Variants in DNAH9 observed in about 807,000 individuals in gnomAD.
The protein encoded by DNAH9 is dynein axonemal heavy chain 9, also known as DNAH9 variant protein.
A neutral mutation model predicts 471.6 loss-of-function variants in DNAH9; 345 were observed. That is an observed-to-expected ratio of 0.73 (90% confidence interval 0.67 to 0.80). The LOEUF (loss-of-function observed/expected upper bound fraction) is 0.80, where lower values mean the gene tolerates loss of function less well. DNAH9 is among the 30% of genes least tolerant of loss of function. The pLI is 0.00. For missense variants in DNAH9, 5,407 were observed against 5,609.2 expected (o/e 0.96, Z 1.15); for synonymous variants, 2,093 against 2,123.6 (o/e 0.99, Z 0.40).
chr17:11,917,592 A>G (rs1973998947), intron 61 of DNAH9, among the ~76,000 whole-genome samples: 2 of 152,130 alleles, frequency 1.3e-5, no homozygotes, highest in Non-Finnish European at 2.9e-5. Context: ...TAAAGGAGCC[A>G]CACTTCCTTA....
At chr17:11,687,587 G>A (rs574689572) in intron 19 of DNAH9, among the ~76,000 whole-genome samples, 1 of 152,110 alleles carries the variant, frequency 6.6e-6, no homozygotes, top group African/African-American at 2.4e-5. Flanking sequence ...TTGATGGGAG[G>A]AAACGGCCGA....
rs74461558 is a variant in DNAH9 at position 11,759,346 on chromosome 17, A to G, written c.6995+1654A>G. The stretch of plus-strand genomic sequence containing the variant: ...ATATTTCCATATATACCTACTGTTT[A>G]GCTCCCACTTATAAGTGAGAACATG... On this transcript the variant is annotated intron_variant, in intron 35 of 68. Coordinates refer to ENST00000262442, the MANE Select transcript of DNAH9 (RefSeq NM_001372.4). Among the ~76,000 whole-genome samples the G allele has an allele frequency of 1.1e-3, 173 of 151,974 alleles. 4 individuals carry two copies. In the East Asian group the frequency reaches 0.033, roughly 29 times the overall value.
In DNAH9 at chr17:11,821,953, T is replaced by C; in HGVS notation, c.8741T>C (p.Val2914Ala). The change falls in exon 46 of 69, where the codon GTT becomes GCT. Residue 2914 changes from valine to alanine, a missense_variant. Val to Ala is a moderately conservative substitution (Grantham distance 64). This residue lies in a region of DNAH9 where 4,636 missense variants were observed against 4,900.3 expected (regional missense o/e 0.95). Transcript: ENST00000262442. ...CCAGATCTCTACTCTGATGATGAAG[T>C]TGAAAACATCATAAGCAATGTGAGG... ...EIPDLYSDDE[V>A]ENIISNVRNE... 6.2e-7 allele frequency: 1 copy of C among 1,614,038 alleles called. No individual in the cohort carries two copies. Among genetic ancestry groups the C allele is most frequent in the Non-Finnish European group, 8.5e-7 (1 of 1,179,986 alleles).
chr17:11,661,864 T>C (rs974005697), intron 14 of DNAH9, among the ~76,000 whole-genome samples: 3 of 152,134 alleles, frequency 2.0e-5, no homozygotes, highest in African/African-American at 7.2e-5. Flanking sequence ...AGAAAAAATA[T>C]TTACAGTGTT....
At chr17:11,898,943 T>C (rs1973309106) in intron 59 of DNAH9, among the ~76,000 whole-genome samples, 1 of 152,252 alleles carries the variant, frequency 6.6e-6, no homozygotes, top group Admixed American at 6.5e-5. Context: ...TAAGCTCATC[T>C]GGCTGTTCAA....
intron 14 of DNAH9, among the ~76,000 whole-genome samples, chr17:11,654,174 T>A (rs866491695): frequency 1.2e-5 from 1 of 80,422 alleles, no homozygotes; most frequent in Non-Finnish European, 2.9e-5. Context: ...GCTAACACGG[T>A]GAAACCCCGT....
chr17:11,654,062 A>T lies in DNAH9; in HGVS notation c.2595+1060A>T, dbSNP rs1240347403. 1.5e-5 allele frequency among the ~76,000 whole-genome samples: 2 copies of T among 132,604 alleles called. 1 individual carries two copies. Among genetic ancestry groups the T allele is most frequent in the African/African-American group, 5.5e-5 (2 of 36,494 alleles). 87.0% of individuals were successfully genotyped at this position (132,604 alleles called of 152,430 possible). ...GAATTACTTAAGATTTTAAAAGTTT[A>T]AAATCGATCTAGGCCGGGCGCGGTG... On this transcript the variant is annotated intron_variant, in intron 14 of 68. Transcript: ENST00000262442.
At chr17:11,637,437 A>G (rs1317617676) in intron 9 of DNAH9, among the ~76,000 whole-genome samples, 2 of 152,092 alleles carry the variant, frequency 1.3e-5, no homozygotes, top group Non-Finnish European at 2.9e-5. Flanking sequence ...CTTGAGTTGT[A>G]AAGAATGGTA....
At chr17:11,751,153 ATTTC>A (rs1164637094) in intron 32 of DNAH9, among the ~76,000 whole-genome samples, 1 of 152,000 alleles carries the variant, frequency 6.6e-6, no homozygotes, top group Non-Finnish European at 1.5e-5. Flanking sequence ...AATTAATAAA[ATTTC>A]TTCATTAAGA....
At chr17:11,782,796 C>G (rs559956051) in intron 39 of DNAH9, among the ~76,000 whole-genome samples, 3 of 152,228 alleles carry the variant, frequency 2.0e-5, no homozygotes, top group South Asian at 2.1e-4. Context: ...ACTTAGGAGG[C>G]TGAGGCAGGA....
chr17:11,758,164 C>T (rs1321871297), intron 35 of DNAH9, among the ~76,000 whole-genome samples: 1 of 152,132 alleles, frequency 6.6e-6, no homozygotes. Flanking sequence ...GTATAATGTA[C>T]CATCTGACAG....
chr17:11,725,020 A>C (rs926171482), intron 27 of DNAH9, among the ~76,000 whole-genome samples: 1 of 152,222 alleles, frequency 6.6e-6, no homozygotes, highest in African/African-American at 2.4e-5. Context: ...TCACATGTGC[A>C]ATTCACAATG....
chr17:11,775,178 C>T (rs965608265), intron 38 of DNAH9, among the ~76,000 whole-genome samples: 1 of 152,098 alleles, frequency 6.6e-6, no homozygotes, highest in Non-Finnish European at 1.5e-5. Context: ...TGAGATTTAT[C>T]CATGTTGTTG....
Position 11,875,139 on chromosome 17 carries a change from A to T in DNAH9, c.10433A>T (p.Asn3478Ile). The change falls in exon 53 of 69, where the codon AAT becomes ATT. Residue 3478 changes from asparagine (N) to isoleucine (I), a missense_variant. Around this residue, in one of 3 missense-constraint regions of DNAH9, gnomAD observed 4,636 missense variants for 4,900.3 expected, o/e 0.95. Transcript: ENST00000262442. The stretch of plus-strand genomic sequence containing the variant: ...CTACAAGGCATCAAATGGATCAAGA[A>T]TAAATATGGTGAAGATCTCCGGGTC... ...PQLQGIKWIK[N>I]KYGEDLRVTQ... The T allele has an allele frequency of 6.2e-7, 1 of 1,614,160 alleles. No homozygotes were observed. The highest frequency in any genetic ancestry group is 8.5e-7 in the Non-Finnish European group (1 of 1,180,028).
intron 51 of DNAH9, among the ~76,000 whole-genome samples, 160 bp from the exon 52 acceptor site, chr17:11,871,438 A>C (rs1308317121): frequency 2.0e-5 from 3 of 152,216 alleles, no homozygotes; most frequent in Non-Finnish European, 4.4e-5. Context: ...AAGCTTTGCT[A>C]CAGGCAGCAC....
intron 57 of DNAH9, among the ~76,000 whole-genome samples, chr17:11,890,074 CAT>C (rs1973002445): frequency 6.6e-6 from 1 of 152,060 alleles, no homozygotes; most frequent in African/African-American, 2.4e-5. Flanking sequence ...ATTTTTTTTA[CAT>C]GTTTTCCTGA....
Position 11,931,883 on chromosome 17 carries a change from G to A in DNAH9, c.12106-131G>A, listed in dbSNP as rs889304139. On this transcript the variant is annotated intron_variant, in intron 63 of 68. Coordinates refer to ENST00000262442, the MANE Select transcript of DNAH9 (RefSeq NM_001372.4). ...CACGTTCCCCCCAGGCTGTAGTCTC[G>A]CTGTAACTCAAACCCAAACCAGAAT... 3.0e-5 allele frequency: 30 copies of A among 1,004,724 alleles called. 1 individual carries two copies. The highest frequency in any genetic ancestry group is 1.8e-4 in the African/African-American group (11 of 62,552). The allele number at this position is 1,004,724 out of a possible 1,614,324, so 62.2% of individuals were successfully genotyped here.
At chr17:11,807,653 T>A in intron 43 of DNAH9, 79 bp from the exon 44 acceptor site, 1 of 1,477,088 alleles carries the variant, frequency 6.8e-7, no homozygotes, top group Non-Finnish European at 9.2e-7. Context: ...AGGCCCCTGC[T>A]CCCACTCAAG....
At chr17:11,629,886 C>A (rs967736711) in intron 7 of DNAH9, among the ~76,000 whole-genome samples, 1 of 152,088 alleles carries the variant, frequency 6.6e-6, no homozygotes, top group Non-Finnish European at 1.5e-5. Flanking sequence ...ACAGTGGAGG[C>A]GGTGGCCACC....
Sources: allele counts gnomAD v4.1 joint callset (sites outside exome capture counted in the v4.1 genomes callset), GRCh38; gene constraint gnomAD v4.1.1; regional missense constraint gnomAD v4.1.1; transcripts MANE v1.5; gene names NCBI Gene and HGNC (gene_info 2026-07-23, HGNC 2026-07-21).